TACC2: variants seen among roughly 807,000 people sequenced by gnomAD.
TACC2 encodes transforming acidic coiled-coil containing protein 2, also known as transforming acidic coiled-coil-containing protein 2.
In TACC2, 137 loss-of-function variants were observed where a neutral mutation model predicts 227.3. The observed-to-expected ratio is 0.60, with a 90% confidence interval of 0.52 to 0.69. The LOEUF (loss-of-function observed/expected upper bound fraction) is 0.69. TACC2 is among the 30% of genes least tolerant of loss of function. The pLI, the probability that TACC2 is intolerant of heterozygous loss-of-function variation, is 0.00. For missense variants in TACC2, 3,470 were observed against 3,694.4 expected, an observed-to-expected ratio of 0.94 and a Z score of 1.57; for synonymous variants, 1,523 against 1,487.5, an observed-to-expected ratio of 1.02 and a Z score of -0.55.
At chr10:122,217,437 C>CTTT (rs35233150) in intron 11 of TACC2, among the ~76,000 whole-genome samples, 35 of 93,248 alleles carry the variant, frequency 3.8e-4, no homozygotes, top group Non-Finnish European at 4.1e-4. Flanking sequence ...TTTCTTTTTT[C>CTTT]TTTTTTTTTT....
rs527802028 is a variant in TACC2, at chr10:122,176,437, G to A, written c.5835-18603G>A. 2.6e-5 allele frequency among the ~76,000 whole-genome samples: 4 copies of A among 152,234 alleles called. No individual in the cohort carries two copies. In the South Asian group the frequency reaches 8.3e-4, roughly 32 times the overall value. The stretch of plus-strand genomic sequence containing the variant: ...GCCCTCGGTTGGACAGTGGTTTTGT[G>A]CATCAGAGGCTCCCACAGGGGAGTT... On this transcript the variant is annotated intron_variant, in intron 7 of 22. Transcript: ENST00000369005.
intron 5 of TACC2, among the ~76,000 whole-genome samples, chr10:122,125,926 GCC>G (rs1256922581): frequency 2.6e-5 from 4 of 152,014 alleles, no homozygotes; most frequent in African/African-American, 9.6e-5. Flanking sequence ...ACAGGTGCGC[GCC>G]ACCGCACCCA....
At chr10:122,024,602 T>A (rs1306045249) in intron 2 of TACC2, among the ~76,000 whole-genome samples, 1 of 152,184 alleles carries the variant, frequency 6.6e-6, no homozygotes, top group African/African-American at 2.4e-5. Context: ...TTCCCTATTG[T>A]TCCCTATTTC....
At chr10:122,081,233 G>A (rs2079443075) in intron 3 of TACC2, among the ~76,000 whole-genome samples, 2 of 151,868 alleles carry the variant, frequency 1.3e-5, no homozygotes, top group Admixed American at 1.3e-4. Context: ...AAATTGCACA[G>A]CATTGACTAG....
chr10:122,253,975 T>A lies in TACC2; in HGVS notation c.8782-16T>A, dbSNP rs1200167357. On this transcript the variant is annotated splice_polypyrimidine_tract_variant and intron_variant, in intron 22 of 22. Transcript: ENST00000369005. The stretch of plus-strand genomic sequence containing the variant: ...ATTTCAAACATCAGCAACTTCTTCC[T>A]TGTCTTCACTTGCAGAATAAAGAAA... The A allele has an allele frequency of 6.2e-7, 1 of 1,612,404 alleles. No homozygotes were observed. The highest frequency in any genetic ancestry group is 1.3e-5 in the African/African-American group (1 of 75,014).
intron 7 of TACC2, among the ~76,000 whole-genome samples, chr10:122,157,609 C>A (rs1406938001): frequency 6.6e-6 from 1 of 151,940 alleles, no homozygotes; most frequent in Non-Finnish European, 1.5e-5. Flanking sequence ...AACTTAGAGC[C>A]AGACTTGTAC....
chr10:122,248,304 G>T, intron 19 of TACC2: 1 of 231,732 alleles, frequency 4.3e-6, no homozygotes. Context: ...TTTACTTTAC[G>T]GATCTGTCTG....
At chr10:122,242,159 A>G (rs1193794773) in intron 19 of TACC2, among the ~76,000 whole-genome samples, 158 bp downstream of exon 19, 1 of 152,116 alleles carries the variant, frequency 6.6e-6, no homozygotes, top group Non-Finnish European at 1.5e-5. Context: ...TTGCCCCAGG[A>G]CAGAGTCTGG....
chr10:122,046,010 A>G (rs946141458), intron 2 of TACC2, among the ~76,000 whole-genome samples: 2 of 150,630 alleles, frequency 1.3e-5, no homozygotes, highest in African/African-American at 4.9e-5. Flanking sequence ...CATCTCTACT[A>G]AAAAAAAATA....
At chr10:122,060,634 TG>T (rs2076684208) in intron 3 of TACC2, among the ~76,000 whole-genome samples, 1 of 152,074 alleles carries the variant, frequency 6.6e-6, no homozygotes, top group African/African-American at 2.4e-5. Flanking sequence ...GTGGAGAAAA[TG>T]TGAGCAGCTT....
chr10:122,157,588 G>A (rs752030825), intron 7 of TACC2, among the ~76,000 whole-genome samples: 2 of 150,060 alleles, frequency 1.3e-5, no homozygotes, highest in Non-Finnish European at 3.0e-5. Context: ...TTTTTGCTTT[G>A]GCTGTTGGGA....
chr10:122,252,030 A>G (rs984820059), intron 22 of TACC2, among the ~76,000 whole-genome samples: 3 of 152,206 alleles, frequency 2.0e-5, no homozygotes, highest in African/African-American at 7.2e-5. Context: ...AGCGCTCTGT[A>G]AAGGCTTTTG....
intron 8 of TACC2, among the ~76,000 whole-genome samples, chr10:122,197,661 A>T (rs767094414): frequency 1.4e-4 from 21 of 152,238 alleles, no homozygotes; most frequent in Non-Finnish European, 2.8e-4. Context: ...GATTACACCA[A>T]TTGGAGTGTT....
intron 1 of TACC2, among the ~76,000 whole-genome samples, chr10:121,989,968 CT>C (rs1211082268): frequency 6.6e-6 from 1 of 152,140 alleles, no homozygotes; most frequent in African/African-American, 2.4e-5. Context: ...CTTCCTTCTA[CT>C]TTTCTGTGTC....
intron 6 of TACC2, among the ~76,000 whole-genome samples, chr10:122,139,068 C>G (rs777505559): frequency 1.3e-5 from 2 of 152,186 alleles, no homozygotes; most frequent in Non-Finnish European, 2.9e-5. Context: ...ATAACTTGGA[C>G]GATCCAAGCC....
At chr10:122,177,862 T>G (rs1271998491) in intron 7 of TACC2, among the ~76,000 whole-genome samples, 3 of 151,852 alleles carry the variant, frequency 2.0e-5, no homozygotes, top group Non-Finnish European at 4.4e-5. Flanking sequence ...ACTGAGGAGG[T>G]GAAGGAGCAG....
intron 1 of TACC2, among the ~76,000 whole-genome samples, chr10:122,000,335 C>T (rs766267370): frequency 5.3e-5 from 8 of 152,046 alleles, no homozygotes; most frequent in African/African-American, 9.7e-5. Flanking sequence ...GCAGAGATCG[C>T]GCCACTGCAC....
chr10:122,128,660 G>A (rs1205819601), intron 5 of TACC2, among the ~76,000 whole-genome samples: 2 of 152,170 alleles, frequency 1.3e-5, no homozygotes, highest in Non-Finnish European at 2.9e-5. Flanking sequence ...GTTATACATG[G>A]AAGTTGTTCC....
At chr10:122,176,512 T>C (rs1262967924) in intron 7 of TACC2, among the ~76,000 whole-genome samples, 1 of 152,186 alleles carries the variant, frequency 6.6e-6, no homozygotes, top group Admixed American at 6.5e-5. Flanking sequence ...GGACTCATGC[T>C]GGTGCTCATA....
Sources: gnomAD v4.1 joint callset for allele counts (sites outside exome capture counted in the v4.1 genomes callset) on GRCh38, gnomAD v4.1.1 for gene constraint, MANE v1.5 for transcripts, NCBI Gene and HGNC (gene_info 2026-07-23, HGNC 2026-07-21) for gene names.